Variants in RORA observed in about 807,000 individuals in gnomAD.
RORA encodes the protein nuclear receptor ROR-alpha.
RORA carries 7 observed loss-of-function variants against 69.5 expected under a neutral mutation model. The observed-to-expected ratio is 0.10, with a 90% CI of 0.06 to 0.19. The LOEUF is 0.19. RORA is among the 10% of genes least tolerant of loss of function. The pLI is 1.00. For missense variants in RORA, 457 were observed against 663.0 expected (o/e 0.69, Z 3.41); for synonymous variants, 261 against 240.8 (o/e 1.08, Z -0.78).
At chr15:61,197,158 T>C (rs568786799) in intron 1 of RORA, among the ~76,000 whole-genome samples, 7 of 152,310 alleles carry the variant, frequency 4.6e-5, no homozygotes, top group African/African-American at 9.6e-5. Context: ...TTGAAAACAA[T>C]GACTACTGAC....
chr15:60,861,247 A>C (rs537354234), intron 1 of RORA, among the ~76,000 whole-genome samples: 82 of 152,222 alleles, frequency 5.4e-4, no homozygotes, highest in Admixed American at 4.1e-3. Context: ...AGGTGGCTTA[A>C]TGTCAATAAC....
intron 1 of RORA, among the ~76,000 whole-genome samples, chr15:60,720,452 A>C (rs80149607): frequency 0.019 from 2,942 of 152,342 alleles, 42 homozygotes; most frequent in Non-Finnish European, 0.026. Context: ...GAACGAACCC[A>C]GTCACCTTTT....
chr15:61,123,941 T>C lies in RORA; in HGVS notation c.166+105112A>G, dbSNP rs1006124. On this transcript the variant is annotated intron_variant, in intron 1 of 10. Transcript: ENST00000335670. ...GGTGAGAACACCGGAGCAATTCACTTCAGCCTGCTGCAAAATCCTCGAAGT... is the reference window on the plus strand; with the variant it reads ...GGTGAGAACACCGGAGCAATTCACTCCAGCCTGCTGCAAAATCCTCGAAGT... Among the ~76,000 whole-genome samples the C allele has an allele frequency of 9.5e-3, 1,443 of 152,304 alleles. 25 individuals carry two copies. Among genetic ancestry groups the C allele is most frequent in the African/African-American group, 0.033 (1,385 of 41,554 alleles).
intron 1 of RORA, among the ~76,000 whole-genome samples, chr15:61,090,558 C>T (rs2078690548): frequency 6.6e-6 from 1 of 152,136 alleles, no homozygotes; most frequent in Non-Finnish European, 1.5e-5. Flanking sequence ...CATTTAGTCA[C>T]CCATGTAAAG....
At chr15:61,083,592 C>T (rs2078577637) in intron 1 of RORA, among the ~76,000 whole-genome samples, 2 of 151,984 alleles carry the variant, frequency 1.3e-5, no homozygotes, top group Admixed American at 6.6e-5. Flanking sequence ...CTGTTGCCGA[C>T]TCCACATCTG....
At chr15:60,681,137 G>A (rs1329334204) in intron 1 of RORA, among the ~76,000 whole-genome samples, 1 of 152,118 alleles carries the variant, frequency 6.6e-6, no homozygotes, top group Non-Finnish European at 1.5e-5. Flanking sequence ...AGAAGCTCTA[G>A]TACTTCATAG....
In RORA at chr15:60,977,200, C is replaced by T. The variant is rs556756371; in HGVS notation, c.166+251853G>A. 2.0e-5 allele frequency among the ~76,000 whole-genome samples: 3 copies of T among 151,308 alleles called. No individual in the cohort carries two copies. In the South Asian group the frequency reaches 6.3e-4, roughly 32 times the overall value. On this transcript the variant is annotated intron_variant, in intron 1 of 10. Transcript: ENST00000335670. Reference sequence around the variant, plus strand: ...AGATCACAGTGACTCAAAGTTTTCCCTCATAGATGTTATATATTTAGTTTG... The same window carrying T: ...AGATCACAGTGACTCAAAGTTTTCCTTCATAGATGTTATATATTTAGTTTG...
At chr15:60,891,110 C>T (rs1005994012) in intron 1 of RORA, among the ~76,000 whole-genome samples, 1 of 152,210 alleles carries the variant, frequency 6.6e-6, no homozygotes, top group African/African-American at 2.4e-5. Context: ...GAATCAGCTG[C>T]CTGCCCATTA....
rs1026541838 is a variant in RORA, at chr15:60,534,254, T to C, written c.197-2403A>G. 2.0e-5 allele frequency among the ~76,000 whole-genome samples: 3 copies of C among 152,164 alleles called. No individual in the cohort carries two copies. Among genetic ancestry groups the C allele is most frequent in the Non-Finnish European group, 4.4e-5 (3 of 68,030 alleles). On this transcript the variant is annotated intron_variant, in intron 2 of 10. Transcript: ENST00000335670. This position sits in a 1 kb window ranked among gnomAD's most constrained non-coding sequence, Gnocchi z 5.0. The stretch of plus-strand genomic sequence containing the variant: ...TATACTGGCCCCAGCACTTCCACCC[T>C]TGGAATGGCTCATGTCCTGGCAGGG...
At chr15:61,015,014 A>G (rs1895230614) in intron 1 of RORA, among the ~76,000 whole-genome samples, 1 of 152,224 alleles carries the variant, frequency 6.6e-6, no homozygotes. Flanking sequence ...CTCAGCATTT[A>G]CAGCAAGCAC....
At chr15:60,991,791 T>TACTC (rs1052027874) in intron 1 of RORA, among the ~76,000 whole-genome samples, 1 of 151,890 alleles carries the variant, frequency 6.6e-6, no homozygotes, top group Non-Finnish European at 1.5e-5. Context: ...GCACCTGTGC[T>TACTC]ACTCAGGAGG....
intron 1 of RORA, among the ~76,000 whole-genome samples, chr15:60,837,712 C>T (rs1306268673): frequency 6.6e-6 from 1 of 152,150 alleles, no homozygotes; most frequent in East Asian, 1.9e-4. Context: ...TCACCGGGGA[C>T]ACAGTCCTTA....
chr15:60,751,297 C>A (rs2071719858), intron 1 of RORA, among the ~76,000 whole-genome samples: 1 of 152,110 alleles, frequency 6.6e-6, no homozygotes, highest in South Asian at 2.1e-4. Flanking sequence ...GAGGAATTGG[C>A]AGTTGCGTGA....
chr15:61,190,400 C>T (rs2079786427), intron 1 of RORA, among the ~76,000 whole-genome samples: 1 of 152,156 alleles, frequency 6.6e-6, no homozygotes, highest in Admixed American at 6.5e-5. Context: ...TAAAGTGAGG[C>T]CTACCTTTAA....
chr15:61,114,879 C>T (rs1395235827), intron 1 of RORA, among the ~76,000 whole-genome samples: 1 of 152,192 alleles, frequency 6.6e-6, no homozygotes, highest in East Asian at 1.9e-4. Flanking sequence ...GTATAAGAGT[C>T]CATTTACGAC....
At chr15:60,669,635 T>A (rs1293342756) in intron 2 of RORA, among the ~76,000 whole-genome samples, 3 of 123,682 alleles carry the variant, frequency 2.4e-5, no homozygotes, top group African/African-American at 9.2e-5. Flanking sequence ...AATACTCTAC[T>A]CCAGTCAGAC....
intron 1 of RORA, among the ~76,000 whole-genome samples, chr15:60,954,892 T>C (rs1432481746): frequency 6.6e-6 from 1 of 152,170 alleles, no homozygotes; most frequent in African/African-American, 2.4e-5. Context: ...TTTGCAGTCA[T>C]CCAGTAATGA....
intron 1 of RORA, among the ~76,000 whole-genome samples, chr15:60,839,333 C>T (rs184489531): frequency 6.6e-6 from 1 of 152,276 alleles, no homozygotes; most frequent in East Asian, 1.9e-4. Flanking sequence ...ATTGAAATTA[C>T]ATATTGACCA....
intron 2 of RORA, among the ~76,000 whole-genome samples, chr15:60,676,352 T>A (rs922655861): frequency 6.6e-6 from 1 of 152,232 alleles, no homozygotes; most frequent in African/African-American, 2.4e-5. Context: ...CACTAACATG[T>A]AACTTGGACA....
Sources: gnomAD v4.1 joint callset for allele counts (sites outside exome capture counted in the v4.1 genomes callset) on GRCh38, gnomAD v4.1.1 for gene constraint, Gnocchi (gnomAD v3.1) non-coding constraint, MANE v1.5 for transcripts, NCBI Gene and HGNC (gene_info 2026-07-23, HGNC 2026-07-21) for gene names.